Variants in PCBP3 observed in about 807,000 individuals in gnomAD.
The protein encoded by PCBP3 is poly(rC) binding protein 3, also known as poly(rC)-binding protein 3.
In PCBP3, 25 loss-of-function variants were observed where a neutral mutation model predicts 52.7. The observed-to-expected ratio is 0.47, with a 90% CI of 0.35 to 0.66. PCBP3 has a LOEUF of 0.66. PCBP3 is among the 30% of genes least tolerant of loss of function. The pLI is 0.01. For missense variants in PCBP3, 391 were observed against 490.3 expected (o/e 0.80, Z 1.91); for synonymous variants, 162 against 183.0 (o/e 0.89, Z 0.93).
At chr21:45,819,956 A>G (rs976603427) in intron 4 of PCBP3, among the ~76,000 whole-genome samples, 4 of 152,314 alleles carry the variant, frequency 2.6e-5, no homozygotes, top group Middle Eastern at 3.4e-3. Context: ...GGGCCTGGCC[A>G]CTCACTCTGC....
chr21:45,910,661 G>A (rs964239464), intron 10 of PCBP3, among the ~76,000 whole-genome samples: 1 of 152,120 alleles, frequency 6.6e-6, no homozygotes. Flanking sequence ...ATGCCTCCTT[G>A]TCTAGCCTTG....
At chr21:45,862,004 C>G (rs1051922887) in intron 5 of PCBP3, among the ~76,000 whole-genome samples, 1 of 152,142 alleles carries the variant, frequency 6.6e-6, no homozygotes, top group African/African-American at 2.4e-5. Flanking sequence ...AACGCTGCTT[C>G]CCCTGGAGGC....
chr21:45,708,578 C>T (rs1263397601), intron 2 of PCBP3, among the ~76,000 whole-genome samples: 1 of 152,094 alleles, frequency 6.6e-6, no homozygotes, highest in Non-Finnish European at 1.5e-5. Flanking sequence ...TTCATATAAG[C>T]AAACTTCATG....
intron 4 of PCBP3, among the ~76,000 whole-genome samples, chr21:45,840,221 G>A (rs1207847239): frequency 6.6e-6 from 1 of 151,660 alleles, no homozygotes; most frequent in Non-Finnish European, 1.5e-5. Context: ...GGGAGGCCGA[G>A]GTGGGCAGAT....
At chr21:45,900,652 C>G in intron 8 of PCBP3, 29 bp downstream of exon 8, 1 of 1,476,682 alleles carries the variant, frequency 6.8e-7, no homozygotes, top group Non-Finnish European at 9.5e-7. Flanking sequence ...CACCTGTCCG[C>G]AGCCATTCCC....
At chr21:45,823,805 G>T (rs1209324697) in intron 4 of PCBP3, among the ~76,000 whole-genome samples, 1 of 151,926 alleles carries the variant, frequency 6.6e-6, no homozygotes, top group Non-Finnish European at 1.5e-5. Context: ...GCAATAGCAT[G>T]ATCTCGACTC....
chr21:45,885,089 A>C lies in PCBP3; in HGVS notation c.11-11119A>C, dbSNP rs543541290. Among the ~76,000 whole-genome samples the C allele has an allele frequency of 2.6e-5, 4 of 152,306 alleles. No individual in the cohort carries two copies. The South Asian group carries it at 8.3e-4, about 32-fold the overall frequency. On this transcript the variant is annotated intron_variant, in intron 5 of 17. Transcript: ENST00000681687. Reference sequence around the variant, plus strand: ...GAGGACTTAGGCCTTCTCCCAGCGTAGGCACGCTGGCAGCAACTTCTCTTC... The same window carrying C: ...GAGGACTTAGGCCTTCTCCCAGCGTCGGCACGCTGGCAGCAACTTCTCTTC...
At chr21:45,678,151 C>G (rs1427357151) in intron 2 of PCBP3, among the ~76,000 whole-genome samples, 2 of 151,948 alleles carry the variant, frequency 1.3e-5, no homozygotes, top group African/African-American at 2.4e-5. Context: ...ACCAGCCTGG[C>G]TAACACGGTG....
At chr21:45,758,393 T>C (rs547503156) in intron 4 of PCBP3, among the ~76,000 whole-genome samples, 3 of 152,314 alleles carry the variant, frequency 2.0e-5, no homozygotes, top group Admixed American at 2.0e-4. Context: ...GTAGATACAT[T>C]TGGGGAGTAT....
At position 45,917,543 on chromosome 21, in the gene PCBP3, G is replaced by C. The variant is rs202121648; in HGVS notation, c.676-45G>C. 1.3e-6 allele frequency: 2 copies of C among 1,556,660 alleles called. No individual in the cohort carries two copies. Among genetic ancestry groups the C allele is most frequent in the East Asian group, 4.5e-5 (2 of 44,532 alleles). On this transcript the variant is annotated intron_variant, in intron 12 of 17. Coordinates refer to ENST00000681687, the MANE Select transcript of PCBP3 (RefSeq NM_001384156.1). This position sits in a 1 kb window ranked among gnomAD's most constrained non-coding sequence, Gnocchi z 5.3. ...AGGGTGGCGGCGGGTGCTGAGCCGT[G>C]GTGCAGCCAGGTTGCAGTCTGACGG... is the stretch of plus-strand genomic sequence containing the variant.
chr21:45,700,708 G>A (rs1334390212), intron 2 of PCBP3, among the ~76,000 whole-genome samples: 1 of 152,158 alleles, frequency 6.6e-6, no homozygotes, highest in Non-Finnish European at 1.5e-5. Flanking sequence ...GTGAATTCCT[G>A]TCTAGGGCTG....
At chr21:45,768,222 G>A (rs768326720) in intron 4 of PCBP3, among the ~76,000 whole-genome samples, 36 of 152,334 alleles carry the variant, frequency 2.4e-4, no homozygotes, top group African/African-American at 7.0e-4. Flanking sequence ...CTAGCCCTGC[G>A]TGGGCCTTTG....
At chr21:45,869,450 G>A (rs1178168382) in intron 5 of PCBP3, 1 of 152,510 alleles carries the variant, frequency 6.6e-6, no homozygotes. Context: ...CTTCCGCCTG[G>A]GCCCCTACTG....
chr21:45,832,379 C>G (rs1196749655), intron 4 of PCBP3, among the ~76,000 whole-genome samples: 1 of 152,144 alleles, frequency 6.6e-6, no homozygotes, highest in Non-Finnish European at 1.5e-5. Context: ...TGCTGACCTC[C>G]TATCTCATCC....
intron 1 of PCBP3, among the ~76,000 whole-genome samples, chr21:45,649,666 TC>T (rs1393772782): frequency 1.3e-5 from 2 of 152,170 alleles, no homozygotes; most frequent in Non-Finnish European, 2.9e-5. Context: ...CTTTTATTGA[TC>T]TTTTTTTGTC....
chr21:45,911,044 G>T lies in PCBP3; in HGVS notation c.600+14G>T, dbSNP rs368104928. 1.1e-5 allele frequency: 18 copies of T among 1,606,470 alleles called. No individual in the cohort carries two copies. The highest frequency in any genetic ancestry group is 1.4e-5 in the Non-Finnish European group (17 of 1,179,770). Reference sequence around the variant, plus strand: ...GTCATGCTGGAGGTACCGTCTGCGCGCCAGGGCCAGCCCACGTCAGTGCTG... The same window carrying T: ...GTCATGCTGGAGGTACCGTCTGCGCTCCAGGGCCAGCCCACGTCAGTGCTG... On this transcript the variant is annotated intron_variant, in intron 11 of 17. Coordinates refer to ENST00000681687, the MANE Select transcript of PCBP3 (RefSeq NM_001384156.1).
At chr21:45,818,272 C>T (rs1317135526) in intron 4 of PCBP3, among the ~76,000 whole-genome samples, 3 of 152,164 alleles carry the variant, frequency 2.0e-5, no homozygotes, top group Admixed American at 1.3e-4. Flanking sequence ...CTGCCCGCCT[C>T]GGCCTCCTAA....
rs553960322 is a variant in PCBP3 at position 45,791,092 on chromosome 21, A to G, written c.-126+35640A>G. ...GGCTGGCTGGCCCACCGAGGCCAGC[A>G]TCTTGCAGTGGCGAAGGTGCAGAGA... On this transcript the variant is annotated intron_variant, in intron 4 of 17. Coordinates refer to ENST00000681687, the MANE Select transcript of PCBP3 (RefSeq NM_001384156.1). The surrounding 1 kb of genome is among the most constrained non-coding windows in gnomAD (Gnocchi z 4.2). Among the ~76,000 whole-genome samples, 1 of 152,278 alleles carries G rather than the reference A, an allele frequency of 6.6e-6. No individual in the cohort carries two copies. Among genetic ancestry groups the G allele is most frequent in the South Asian group, 2.1e-4 (1 of 4,816 alleles).
chr21:45,696,079 CAAAAAAAAAAAAAA>C (rs71185164), intron 2 of PCBP3, among the ~76,000 whole-genome samples: 2 of 39,638 alleles, frequency 5.0e-5, no homozygotes, highest in South Asian at 2.5e-3. Context: ...GACTCTGTCT[CAAAAAAAAAAAAAA>C]AAAAAAAAAA....
Sources: gnomAD v4.1 joint callset for allele counts (sites outside exome capture counted in the v4.1 genomes callset) on GRCh38, gnomAD v4.1.1 for gene constraint, Gnocchi (gnomAD v3.1) non-coding constraint, MANE v1.5 for transcripts, NCBI Gene and HGNC (gene_info 2026-07-23, HGNC 2026-07-21) for gene names.